Variants in SLC45A4 observed in about 807,000 individuals in gnomAD.
SLC45A4 encodes polyamine-transporter SLC45A4.
In SLC45A4, 32 loss-of-function variants were observed where a neutral mutation model predicts 63.7. The ratio of observed to expected loss-of-function variants is 0.50; its 90% confidence interval spans 0.38 to 0.67. SLC45A4 has a LOEUF of 0.67. Ranked by LOEUF, SLC45A4 falls within the 30% of genes least tolerant of loss-of-function variation. SLC45A4 has a pLI of 0.00. For synonymous variants in SLC45A4, 535 were observed against 510.0 expected (o/e 1.05, Z -0.66); for missense variants, 1,027 against 1,157.7 (o/e 0.89, Z 1.64).
intron 1 of SLC45A4, among the ~76,000 whole-genome samples, chr8:141,294,164 T>C (rs1322075389): frequency 1.3e-5 from 2 of 152,114 alleles, no homozygotes; most frequent in Non-Finnish European, 2.9e-5. Flanking sequence ...AGGGTCTCTG[T>C]GTACTGTTAG....
intron 1 of SLC45A4, among the ~76,000 whole-genome samples, chr8:141,293,614 G>A (rs1252078751): frequency 2.0e-5 from 3 of 152,176 alleles, no homozygotes; most frequent in African/African-American, 7.2e-5. Flanking sequence ...TGCATTTTCT[G>A]TGTACAAAAC....
intron 1 of SLC45A4, among the ~76,000 whole-genome samples, chr8:141,285,485 C>T (rs571018172): frequency 3.3e-5 from 5 of 152,324 alleles, no homozygotes; most frequent in Admixed American, 6.5e-5. Flanking sequence ...TGTTTTTCTG[C>T]GGAAGGACCC....
Position 141,209,515 on chromosome 8 carries a change from T to G in SLC45A4, c.*2057A>C, listed in dbSNP as rs1319483570. ...AGGCAGCTCCAGAAACCGACTCTAC[T>G]GACCCTGGACCCCAGCCCCTGCGGT... On this transcript the variant is annotated 3_prime_UTR_variant, in exon 9 of 9. Transcript: ENST00000517878. The G allele has an allele frequency of 6.6e-6, 1 of 152,580 alleles. No individual in the cohort carries two copies. The highest frequency in any genetic ancestry group is 1.5e-5 in the Non-Finnish European group (1 of 68,344). The allele number at this position is 152,580 out of a possible 1,614,324, so 9.5% of individuals were successfully genotyped here.
intron 1 of SLC45A4, among the ~76,000 whole-genome samples, chr8:141,305,644 G>A (rs73368328): frequency 0.032 from 4,856 of 152,198 alleles, 130 homozygotes; most frequent in Middle Eastern, 0.085. Flanking sequence ...ACCCTCACTC[G>A]GTGCCAGGCC....
intron 5 of SLC45A4, 104 bp from the exon 6 acceptor site, chr8:141,217,293 G>A: frequency 8.2e-7 from 1 of 1,224,182 alleles, no homozygotes; most frequent in Non-Finnish European, 1.1e-6. Flanking sequence ...CATTCTAAGA[G>A]CGGTGACAGG....
chr8:141,297,996 T>A (rs1830621861), intron 1 of SLC45A4, among the ~76,000 whole-genome samples: 1 of 149,438 alleles, frequency 6.7e-6, no homozygotes, highest in Non-Finnish European at 1.5e-5. Flanking sequence ...ACTCCAGCTG[T>A]GGATGGTGGG....
intron 2 of SLC45A4, among the ~76,000 whole-genome samples, chr8:141,233,342 T>G (rs903210039): frequency 6.6e-6 from 1 of 152,182 alleles, no homozygotes; most frequent in African/African-American, 2.4e-5. Flanking sequence ...GAATTCTTAC[T>G]GATGGTTACT....
intron 1 of SLC45A4, among the ~76,000 whole-genome samples, chr8:141,304,658 T>C (rs1830846799): frequency 6.6e-6 from 1 of 151,722 alleles, no homozygotes; most frequent in Non-Finnish European, 1.5e-5. Context: ...CTCAGAGCCC[T>C]TCTCTCCATC....
rs554689466 is a variant in SLC45A4, at chr8:141,218,229, G to A, written c.1411C>T (p.Arg471Trp). ...GAGGTGGTGGCCCCGCTCTGGTTCC[G>A]GTGCCGGTGCTGCCGCTGCCGCTTC... ...MQKRQRQHRH[R>W]NQSGATTSSG... Residue 471 changes from arginine to tryptophan, a missense_variant, in exon 5 of 9, where the codon CGG (arginine) becomes TGG (tryptophan). Coordinates refer to ENST00000517878, the MANE Select transcript of SLC45A4 (RefSeq NM_001286646.2). 5 of 1,601,990 alleles carry A rather than the reference G, an allele frequency of 3.1e-6. No homozygotes were observed. The highest frequency in any genetic ancestry group is 2.2e-5 in the East Asian group (1 of 44,856).
At chr8:141,297,319 C>T (rs544461022) in intron 1 of SLC45A4, among the ~76,000 whole-genome samples, 21 of 152,154 alleles carry the variant, frequency 1.4e-4, no homozygotes, top group Non-Finnish European at 2.2e-4. Context: ...TGGATGCTGG[C>T]GGGGGAGGTA....
intron 2 of SLC45A4, among the ~76,000 whole-genome samples, chr8:141,247,547 G>C (rs140214384): frequency 6.6e-6 from 1 of 152,186 alleles, no homozygotes; most frequent in Non-Finnish European, 1.5e-5. Flanking sequence ...TTTATATGGA[G>C]ATGTGAAAGA....
At chr8:141,230,075 T>C (rs770016585) in intron 2 of SLC45A4, 68 of 456,278 alleles carry the variant, frequency 1.5e-4, no homozygotes, top group Middle Eastern at 3.3e-4. Flanking sequence ...GCAAGTCTAC[T>C]TACTCTCGGT....
intron 2 of SLC45A4, 83 bp from the exon 3 acceptor site, chr8:141,221,848 G>A (rs1826658170): frequency 6.9e-7 from 1 of 1,452,236 alleles, no homozygotes; most frequent in Admixed American, 1.9e-5. Flanking sequence ...GCGACAGGCA[G>A]GTGCCTCTGT....
At chr8:141,253,283 G>C (rs112644313) in intron 2 of SLC45A4, 5,169 of 174,546 alleles carry the variant, frequency 0.03, 379 homozygotes, top group African/African-American at 0.12. Context: ...GTGTTTTCAT[G>C]CCCACCTGCG....
At chr8:141,236,802 C>T (rs571962081) in intron 2 of SLC45A4, among the ~76,000 whole-genome samples, 1 of 152,218 alleles carries the variant, frequency 6.6e-6, no homozygotes, top group Admixed American at 6.5e-5. Context: ...GGAGTAATTC[C>T]CTTGAGAACA....
rs775924182 is a variant in SLC45A4, at chr8:141,280,439, C to T, written c.-400-25810G>A. 3.2e-4 allele frequency among the ~76,000 whole-genome samples: 48 copies of T among 152,200 alleles called. 1 individual carries two copies. The highest frequency in any genetic ancestry group is 4.1e-4 in the Non-Finnish European group (28 of 68,032). On this transcript the variant is annotated intron_variant, in intron 1 of 8. Coordinates refer to ENST00000517878, the MANE Select transcript of SLC45A4 (RefSeq NM_001286646.2). ...GAGCATTCAAGCTTAGATTTGATTC[C>T]AACTTACTTTCTTGAAAGACATTTA...
At chr8:141,279,409 C>T (rs904391670) in intron 1 of SLC45A4, among the ~76,000 whole-genome samples, 7 of 152,264 alleles carry the variant, frequency 4.6e-5, no homozygotes, top group African/African-American at 1.4e-4. Context: ...TTTTCCTTTA[C>T]ACCTGCAATC....
chr8:141,217,907 A>T (rs983557615), intron 5 of SLC45A4, 104 bp downstream of exon 5: 31 of 1,357,348 alleles, frequency 2.3e-5, no homozygotes, highest in Non-Finnish European at 2.9e-5. Context: ...CCTCCCTGAC[A>T]CGCGTGGGCA....
chr8:141,280,232 G>A (rs112639446), intron 1 of SLC45A4, among the ~76,000 whole-genome samples: 2,363 of 152,338 alleles, frequency 0.016, 30 homozygotes, highest in Non-Finnish European at 0.025. Context: ...CGTGCCCCCT[G>A]CCCACCCTGT....
Sources: gnomAD v4.1 joint callset for allele counts (sites outside exome capture counted in the v4.1 genomes callset) on GRCh38, gnomAD v4.1.1 for gene constraint, MANE v1.5 for transcripts, NCBI Gene and HGNC (gene_info 2026-07-23, HGNC 2026-07-21) for gene names.